The following MYH7B variants were observed in gnomAD, a reference collection of about 807,000 sequenced individuals.
MYH7B encodes myosin heavy chain 7B, also known as myosin-7B.
Under a neutral mutation model 234.5 loss-of-function variants are expected in MYH7B, and 205 were observed. The observed-to-expected ratio is 0.87, with a 90% CI of 0.78 to 0.98. MYH7B has a LOEUF of 0.98. Ranked by LOEUF, MYH7B falls within the 50% of genes least tolerant of loss-of-function variation. The pLI is 0.00. For missense variants in MYH7B, 2,652 were observed against 2,633.4 expected (o/e 1.01, Z -0.15); for synonymous variants, 1,193 against 1,105.0 (o/e 1.08, Z -1.58).
intron 2 of MYH7B, among the ~76,000 whole-genome samples, chr20:34,971,919 C>T (rs1172953551): frequency 6.6e-6 from 1 of 152,220 alleles, no homozygotes; most frequent in Non-Finnish European, 1.5e-5. Context: ...CCCCACTCCC[C>T]TTTATGCCCC....
In MYH7B at chr20:34,987,468, T is replaced by C. The variant is rs1316887586; in HGVS notation, c.1148-89T>C. On this transcript the variant is annotated intron_variant, in intron 16 of 44. Transcript: ENST00000262873. ...AGCCCTGAACTTGACCCCTCTTAAC[T>C]TCCCTCTCCTAGCCCCAGGCTGAGG... is the stretch of plus-strand genomic sequence containing the variant. 4 of 1,415,654 alleles carry C rather than the reference T, an allele frequency of 2.8e-6. No individual in the cohort carries two copies. The Admixed American group carries it at 7.4e-5, about 26-fold the overall frequency. 87.7% of individuals were successfully genotyped at this position (1,415,654 alleles called of 1,614,324 possible). A position where few individuals can be genotyped will look rare whatever the true frequency, so the allele number is the denominator to read the frequency against.
chr20:34,975,605 GA>G (rs1448948029), intron 3 of MYH7B, 106 bp downstream of exon 3: 2 of 652,350 alleles, frequency 3.1e-6, no homozygotes, highest in Non-Finnish European at 2.9e-6. Context: ...GAAAACAATC[GA>G]AATGTCTACC....
At chr20:34,990,338 TC>T (rs1189311834) in intron 22 of MYH7B, 28 bp downstream of exon 22, 1 of 1,613,298 alleles carries the variant, frequency 6.2e-7, no homozygotes, top group Admixed American at 1.7e-5. Context: ...AGACAGACCC[TC>T]CCTCTTGGCA....
At chr20:34,974,680 G>A (rs2081829734) in intron 2 of MYH7B, among the ~76,000 whole-genome samples, 1 of 152,198 alleles carries the variant, frequency 6.6e-6, no homozygotes, top group Admixed American at 6.5e-5. Flanking sequence ...TACCTTCTGA[G>A]CATCCTTGAA....
At chr20:35,000,467 G>C (rs1236265940) in exon 39 of MYH7B, 1 of 1,602,054 alleles carries the variant, frequency 6.2e-7, no homozygotes, top group Admixed American at 1.7e-5. Flanking sequence ...CCACGCGGCT[G>C]ATGCAGGCAC....
At chr20:34,972,592 AC>A (rs566989460) in intron 2 of MYH7B, among the ~76,000 whole-genome samples, 91 of 152,038 alleles carry the variant, frequency 6.0e-4, no homozygotes, top group Admixed American at 2.0e-3. Context: ...GAGGGAAGGA[AC>A]CTTGTTGCCA....
At chr20:34,975,963 T>C (rs1444029943) in intron 3 of MYH7B, among the ~76,000 whole-genome samples, 1 of 151,448 alleles carries the variant, frequency 6.6e-6, no homozygotes, top group Non-Finnish European at 1.5e-5. Flanking sequence ...TGATCCGCCC[T>C]CCTCGGCCTC....
chr20:34,969,979 A>G (rs546134668), intron 2 of MYH7B, among the ~76,000 whole-genome samples: 1 of 152,276 alleles, frequency 6.6e-6, no homozygotes, highest in African/African-American at 2.4e-5. Context: ...TCACAGCACT[A>G]GGAGGTAGGT....
At chr20:34,986,038 C>T (rs2147191525) in intron 13 of MYH7B, 62 bp from the exon 14 acceptor site, 2 of 1,413,838 alleles carry the variant, frequency 1.4e-6, no homozygotes, top group East Asian at 5.0e-5. Context: ...CCGCATCGCC[C>T]CCTTGGGATG....
At chr20:34,980,785 G>A (rs377012586) in intron 8 of MYH7B, 51 bp downstream of exon 8, 49 of 1,596,192 alleles carry the variant, frequency 3.1e-5, no homozygotes, top group African/African-American at 2.1e-4. Context: ...CCTCGGTCCC[G>A]GGAGGCCTCT....
intron 27 of MYH7B, 91 bp downstream of exon 27, chr20:34,994,492 C>T: frequency 1.4e-6 from 2 of 1,404,378 alleles, no homozygotes; most frequent in Admixed American, 5.5e-5. Flanking sequence ...CCATGGGGCT[C>T]AGGCCTTATG....
chr20:34,997,766 G>A, intron 32 of MYH7B, 126 bp downstream of exon 32: 1 of 1,168,196 alleles, frequency 8.6e-7, no homozygotes, highest in Non-Finnish European at 1.2e-6. Flanking sequence ...TCTTCACCTG[G>A]TACACAACCC....
chr20:34,975,494 C>T (rs922031862), exon 3 of MYH7B: 4 of 713,606 alleles, frequency 5.6e-6, no homozygotes, highest in Non-Finnish European at 1.0e-5. Flanking sequence ...GAATTACAGA[C>T]ATGAGGTACT....
intron 7 of MYH7B, 112 bp downstream of exon 7, chr20:34,979,916 A>C: frequency 8.4e-7 from 1 of 1,190,254 alleles, no homozygotes. Flanking sequence ...TGAGCGGTGG[A>C]TCGGGGCTGT....
chr20:34,975,490 CAGACA>C lies in MYH7B; in HGVS notation c.-130_-126del. 1 of 713,256 alleles carries C rather than the reference CAGACA, an allele frequency of 1.4e-6. No individual in the cohort carries two copies. The highest frequency in any genetic ancestry group is 2.6e-6 in the Non-Finnish European group (1 of 382,036). The allele number at this position is 713,256 out of a possible 1,614,324, so 44.2% of individuals were successfully genotyped here. On this transcript the variant is annotated 5_prime_UTR_variant, in exon 3 of 45. The change abolishes an upstream ATG in the 5' untranslated region. Coordinates refer to ENST00000262873, the Ensembl canonical transcript of MYH7B. Reference sequence around the variant, plus strand: ...TGGGCCTCCCAAAGTGCTGGAATTACAGACATGAGGTACTGTGCCTGACCCAGGGT... The same window carrying C: ...TGGGCCTCCCAAAGTGCTGGAATTACTGAGGTACTGTGCCTGACCCAGGGT...
exon 32 of MYH7B, chr20:34,997,336 G>T: frequency 6.5e-7 from 1 of 1,544,336 alleles, no homozygotes. Flanking sequence ...GAGGCGGCGC[G>T]GGAGCTGGAG....
chr20:34,984,217 G>C (rs2081982403), intron 10 of MYH7B, among the ~76,000 whole-genome samples: 1 of 152,254 alleles, frequency 6.6e-6, no homozygotes, highest in African/African-American at 2.4e-5. Context: ...GACACACCCA[G>C]TTGCATTACA....
chr20:34,984,838 AC>A lies in MYH7B; in HGVS notation c.649-11del. On this transcript the variant is annotated splice_polypyrimidine_tract_variant and intron_variant, in intron 11 of 44. Coordinates refer to ENST00000262873, the Ensembl canonical transcript of MYH7B. ...GGCACCAGAACTGACAGACCCCCTC[AC>A]CCCCACCGCCCCAGGGCACCCTTGA... 6.2e-7 allele frequency: 1 copy of A among 1,609,946 alleles called. No individual in the cohort carries two copies. Among genetic ancestry groups the A allele is most frequent in the Non-Finnish European group, 8.5e-7 (1 of 1,176,688 alleles).
exon 39 of MYH7B, chr20:35,000,310 C>A: frequency 1.3e-6 from 2 of 1,585,966 alleles, no homozygotes; most frequent in Non-Finnish European, 1.7e-6. Flanking sequence ...CACCAGCGAG[C>A]TGTGGAGTCC....
Sources: gnomAD v4.1 joint callset for allele counts (sites outside exome capture counted in the v4.1 genomes callset) on GRCh38, gnomAD v4.1.1 for gene constraint, MANE v1.5 for transcripts, NCBI Gene and HGNC (gene_info 2026-07-23, HGNC 2026-07-21) for gene names.